The following GCLC variants were observed in gnomAD, a reference collection of about 807,000 sequenced individuals.
GCLC encodes glutamate--cysteine ligase catalytic subunit.
A neutral mutation model predicts 81.5 loss-of-function variants in GCLC; 30 were observed. The ratio of observed to expected loss-of-function variants is 0.37; its 90% CI spans 0.28 to 0.50. GCLC has a LOEUF of 0.50. Among genes scored for constraint, GCLC ranks in the 20% least tolerant of loss-of-function variants. The pLI is 0.96. For synonymous variants in GCLC, 262 were observed against 273.3 expected (o/e 0.96, Z 0.41); for missense variants, 556 against 777.4 (o/e 0.72, Z 3.39).
chr6:53,504,146 G>A (rs1169262967), intron 12 of GCLC, among the ~76,000 whole-genome samples: 1 of 152,132 alleles, frequency 6.6e-6, no homozygotes, highest in Non-Finnish European at 1.5e-5. Flanking sequence ...AGACCAGCCT[G>A]AGCAACATAG....
At position 53,500,270 on chromosome 6, in the gene GCLC, T is replaced by C. The variant is rs555935476; in HGVS notation, c.1558A>G (p.Ile520Val). The C allele has an allele frequency of 2.4e-5, 39 of 1,614,134 alleles. No homozygotes were observed. Among genetic ancestry groups the C allele is most frequent in the Non-Finnish European group, 3.2e-5 (38 of 1,179,958 alleles). ...ACCTTCCCATTGATGATGGTGTCTATGCTCATGAGGGTGTACTCCTCTGCA... is the reference window on the plus strand; with the variant it reads ...ACCTTCCCATTGATGATGGTGTCTACGCTCATGAGGGTGTACTCCTCTGCA... ...LAAEEYTLMSIDTIINGKEGV... is the reference protein window; with the variant it reads ...LAAEEYTLMSVDTIINGKEGV... Residue 520 changes from isoleucine to valine, a missense_variant, in exon 14 of 16, where the codon ATA becomes GTA. Physicochemically the swap from Ile to Val is conservative, Grantham distance 29. Around this residue, in one of 3 missense-constraint regions of GCLC, gnomAD observed 313 missense variants for 437.3 expected, o/e 0.72. Transcript: ENST00000650454.
At chr6:53,499,038 G>A in intron 15 of GCLC, 71 bp from the exon 16 acceptor site, 1 of 921,930 alleles carries the variant, frequency 1.1e-6, no homozygotes, top group East Asian at 2.4e-5. Context: ...TTGATATTTA[G>A]TGGTCAGCAT....
chr6:53,524,091 T>C (rs1019577546), intron 1 of GCLC, among the ~76,000 whole-genome samples: 1 of 152,214 alleles, frequency 6.6e-6, no homozygotes, highest in Non-Finnish European at 1.5e-5. Flanking sequence ...AGTCTCAGAA[T>C]GGGTATGTGA....
rs1446269677 is a variant in GCLC at position 53,497,580 on chromosome 6, T to A, written c.*1176A>T. The A allele has an allele frequency of 1.3e-5, 2 of 152,656 alleles. No homozygotes were observed. The highest frequency in any genetic ancestry group is 4.1e-4 in the South Asian group (2 of 4,834). The allele number at this position is 152,656 out of a possible 1,614,324, so 9.5% of individuals were successfully genotyped here. On this transcript the variant is annotated 3_prime_UTR_variant, in exon 16 of 16. Transcript: ENST00000650454. ...GTTAGCATATTACAGTTTAAATATT[T>A]ATGCCTGTAAAGATCTGCATAATCT...
rs573498194 is a variant in GCLC at position 53,520,526 on chromosome 6, A to G, written c.446+252T>C. On this transcript the variant is annotated intron_variant, in intron 3 of 15. Coordinates refer to ENST00000650454, the MANE Select transcript of GCLC (RefSeq NM_001498.4). ...GGCCACACTGCTGGTCTGTCATCAC[A>G]GTATCCTGGTCTTTCCCACTGAGCC... Among the ~76,000 whole-genome samples, 308 of 152,320 alleles carry G rather than the reference A, an allele frequency of 2.0e-3. 1 individual carries two copies. Among genetic ancestry groups the G allele is most frequent in the Non-Finnish European group, 3.7e-3 (250 of 68,036 alleles).
At chr6:53,504,038 ACT>A (rs1469157668) in intron 12 of GCLC, among the ~76,000 whole-genome samples, 2 of 152,006 alleles carry the variant, frequency 1.3e-5, no homozygotes, top group Non-Finnish European at 2.9e-5. Flanking sequence ...TCCTTTAAGA[ACT>A]CTTTCCAAAG....
At chr6:53,515,075 G>A (rs535785297) in intron 4 of GCLC, among the ~76,000 whole-genome samples, 11 of 152,082 alleles carry the variant, frequency 7.2e-5, no homozygotes, top group Non-Finnish European at 1.5e-4. Context: ...TGAAGACTCC[G>A]TACAAAAAAA....
Position 53,506,545 on chromosome 6 carries a change from C to T in GCLC, c.1197+368G>A. The stretch of plus-strand genomic sequence containing the variant: ...AATAAATCTATGAGAAGTCTATCTA[C>T]AAAAAAAAAAGGTGATATGTCTGAA... On this transcript the variant is annotated intron_variant, in intron 10 of 15. Transcript: ENST00000650454. This position sits in a 1 kb window ranked among gnomAD's most constrained non-coding sequence, Gnocchi z 4.0. The T allele has an allele frequency of 4.5e-6, 1 of 222,092 alleles. No individual in the cohort carries two copies. Among genetic ancestry groups the T allele is most frequent in the Non-Finnish European group, 8.7e-6 (1 of 115,226 alleles). 13.8% of individuals were successfully genotyped at this position (222,092 alleles called of 1,614,324 possible). A position where few individuals can be genotyped will look rare whatever the true frequency, so the allele number is the denominator to read the frequency against.
intron 6 of GCLC, 36 bp downstream of exon 6, chr6:53,514,168 G>A: frequency 6.2e-7 from 1 of 1,605,718 alleles, no homozygotes; most frequent in Non-Finnish European, 8.5e-7. Context: ...AGAAATGGAT[G>A]GAACACTTTG....
chr6:53,518,556 A>G (rs1369325348), intron 3 of GCLC, among the ~76,000 whole-genome samples: 1 of 152,160 alleles, frequency 6.6e-6, no homozygotes, highest in African/African-American at 2.4e-5. Flanking sequence ...CAGACACTAA[A>G]TCTTTTTTAA....
At chr6:53,521,216 A>C (rs575557489) in intron 2 of GCLC, among the ~76,000 whole-genome samples, 1 of 152,082 alleles carries the variant, frequency 6.6e-6, no homozygotes, top group Non-Finnish European at 1.5e-5. Flanking sequence ...GTGCAATGGC[A>C]CGATCTTGGC....
Position 53,507,363 on chromosome 6 carries a change from G to A in GCLC, c.1084+117C>T. 2 of 963,384 alleles carry A rather than the reference G, an allele frequency of 2.1e-6. 1 individual carries two copies. Among genetic ancestry groups the A allele is most frequent in the Non-Finnish European group, 3.3e-6 (2 of 604,328 alleles). 59.7% of individuals were successfully genotyped at this position (963,384 alleles called of 1,614,324 possible). The stretch of plus-strand genomic sequence containing the variant: ...AGGAACAAGTAGCCTCATGAGAGAA[G>A]TTAAAGACTTTGCACTAAAAATAGA... On this transcript the variant is annotated intron_variant, in intron 9 of 15. Coordinates refer to ENST00000650454, the MANE Select transcript of GCLC (RefSeq NM_001498.4).
At chr6:53,508,827 C>T in intron 7 of GCLC, 116 bp from the exon 8 acceptor site, 1 of 643,300 alleles carries the variant, frequency 1.6e-6, no homozygotes, top group Non-Finnish European at 2.7e-6. Flanking sequence ...CCATACAGAG[C>T]ACATGTACCT....
intron 12 of GCLC, among the ~76,000 whole-genome samples, chr6:53,503,787 A>C (rs1031384768): frequency 2.0e-5 from 3 of 152,118 alleles, no homozygotes; most frequent in Admixed American, 6.5e-5. Context: ...TCCTCTTCTA[A>C]ATTATTACAC....
intron 1 of GCLC, among the ~76,000 whole-genome samples, chr6:53,540,607 A>C (rs1320898658): frequency 1.3e-5 from 2 of 151,646 alleles, no homozygotes; most frequent in Non-Finnish European, 2.9e-5. Flanking sequence ...GTAGTTAACA[A>C]TACTATATTT....
intron 12 of GCLC, among the ~76,000 whole-genome samples, chr6:53,501,751 T>C (rs906874038): frequency 3.3e-5 from 5 of 152,252 alleles, no homozygotes; most frequent in Non-Finnish European, 7.3e-5. Context: ...CATTCCACCA[T>C]GGCTGTGAAC....
At chr6:53,518,439 C>T (rs1279384346) in intron 3 of GCLC, among the ~76,000 whole-genome samples, 2 of 151,970 alleles carry the variant, frequency 1.3e-5, no homozygotes, top group Non-Finnish European at 2.9e-5. Context: ...TTTGTAAAGA[C>T]GGGGTTTCAC....
At chr6:53,518,927 C>T (rs2127624417) in intron 3 of GCLC, among the ~76,000 whole-genome samples, 1 of 152,332 alleles carries the variant, frequency 6.6e-6, no homozygotes, top group Non-Finnish European at 1.5e-5. Flanking sequence ...GATGTGTCTT[C>T]TCTCCCCAGC....
At chr6:53,537,614 A>AAAAT (rs200187470) in intron 1 of GCLC, among the ~76,000 whole-genome samples, 13,794 of 148,820 alleles carry the variant, frequency 0.093, 703 homozygotes, top group South Asian at 0.15. Context: ...ACCCTGTCTC[A>AAAAT]AAATAAATAA....
Sources: gnomAD v4.1 joint callset for allele counts (sites outside exome capture counted in the v4.1 genomes callset) on GRCh38, gnomAD v4.1.1 for gene constraint, gnomAD v4.1.1 regional missense constraint, Gnocchi (gnomAD v3.1) non-coding constraint, MANE v1.5 for transcripts, NCBI Gene and HGNC (gene_info 2026-07-23, HGNC 2026-07-21) for gene names.